WASF1: variants seen among roughly 807,000 people sequenced by gnomAD.
The protein encoded by WASF1 is actin-binding protein WASF1.
WASF1 carries 7 observed loss-of-function variants against 50.5 expected under a neutral mutation model. The ratio of observed to expected loss-of-function variants is 0.14; its 90% CI spans 0.08 to 0.26. WASF1 has a LOEUF of 0.26. Ranked by LOEUF, WASF1 falls within the 10% of genes least tolerant of loss-of-function variation. The pLI is 1.00. For missense variants in WASF1, 470 were observed against 694.7 expected, an observed-to-expected ratio of 0.68 and a Z score of 3.64; for synonymous variants, 205 against 244.0, an observed-to-expected ratio of 0.84 and a Z score of 1.49.
intron 4 of WASF1, among the ~76,000 whole-genome samples, chr6:110,117,573 A>C (rs1457105062): frequency 6.6e-6 from 1 of 152,228 alleles, no homozygotes; most frequent in African/African-American, 2.4e-5. Context: ...AATGGAACCA[A>C]GTTAGAAAAC....
intron 3 of WASF1, among the ~76,000 whole-genome samples, chr6:110,142,952 T>TAAAAAAAAAAAAAAAAAAAAAAAAAAA (rs5879060): frequency 2.7e-4 from 32 of 119,128 alleles, no homozygotes; most frequent in South Asian, 5.7e-4. Flanking sequence ...CCCAATGATG[T>TAAAAAAAAAAAAAAAAAAAAAAAAAAA]AAAAAAAAAA....
At chr6:110,120,767 C>A (rs536688733) in intron 4 of WASF1, among the ~76,000 whole-genome samples, 2 of 152,148 alleles carry the variant, frequency 1.3e-5, no homozygotes, top group African/African-American at 4.8e-5. Flanking sequence ...GGAGGCATCA[C>A]GCTACATGAC....
chr6:110,175,288 A>C (rs561172142), intron 2 of WASF1, among the ~76,000 whole-genome samples: 1 of 152,178 alleles, frequency 6.6e-6, no homozygotes, highest in Non-Finnish European at 1.5e-5. Flanking sequence ...GAAACAAAGG[A>C]AACAATCCAA....
At chr6:110,140,217 A>C (rs1281115449) in intron 3 of WASF1, among the ~76,000 whole-genome samples, 1 of 152,238 alleles carries the variant, frequency 6.6e-6, no homozygotes. Context: ...AACACTCATA[A>C]GGATGGGTCT....
intron 6 of WASF1, among the ~76,000 whole-genome samples, chr6:110,107,895 A>G (rs1368895305): frequency 1.3e-5 from 2 of 152,112 alleles, no homozygotes; most frequent in Admixed American, 6.6e-5. Flanking sequence ...GGCCGGGCGC[A>G]GTGGCTCACG....
intron 3 of WASF1, among the ~76,000 whole-genome samples, chr6:110,136,209 T>C (rs1443647213): frequency 6.6e-6 from 1 of 152,194 alleles, no homozygotes; most frequent in African/African-American, 2.4e-5. Context: ...CTTAATGTAA[T>C]GTCCTTGAAA....
At chr6:110,173,379 C>T (rs1055697869) in intron 2 of WASF1, among the ~76,000 whole-genome samples, 3 of 152,052 alleles carry the variant, frequency 2.0e-5, no homozygotes, top group Admixed American at 2.0e-4. Flanking sequence ...CACCCAAAAC[C>T]CACCTACTTA....
chr6:110,135,452 C>G (rs1429959488), intron 3 of WASF1, among the ~76,000 whole-genome samples: 1 of 152,108 alleles, frequency 6.6e-6, no homozygotes, highest in African/African-American at 2.4e-5. Context: ...GTTTTTCCTA[C>G]ATTTATCATC....
chr6:110,150,173 A>G (rs964987107), intron 3 of WASF1, among the ~76,000 whole-genome samples: 1 of 152,218 alleles, frequency 6.6e-6, no homozygotes, highest in African/African-American at 2.4e-5. Flanking sequence ...CAGATTACAT[A>G]TTATGGTTAA....
chr6:110,147,862 C>G (rs926244137), intron 3 of WASF1, among the ~76,000 whole-genome samples: 2 of 152,212 alleles, frequency 1.3e-5, no homozygotes, highest in African/African-American at 4.8e-5. Flanking sequence ...TCCTCCCACC[C>G]TCAGTTTCCC....
At chr6:110,113,907 C>T (rs1239238806) in intron 4 of WASF1, among the ~76,000 whole-genome samples, 1 of 151,986 alleles carries the variant, frequency 6.6e-6, no homozygotes, top group Non-Finnish European at 1.5e-5. Flanking sequence ...AAAATTTACA[C>T]ACAAAACAAA....
chr6:110,107,224 C>A, intron 6 of WASF1, 30 bp from the exon 7 acceptor site: 2 of 1,406,288 alleles, frequency 1.4e-6, no homozygotes, highest in South Asian at 1.3e-5. Flanking sequence ...TTAAAACACA[C>A]ATTAGTAAGA....
chr6:110,134,291 G>A (rs529321327), intron 3 of WASF1, among the ~76,000 whole-genome samples: 27 of 152,158 alleles, frequency 1.8e-4, no homozygotes, highest in African/African-American at 5.1e-4. Flanking sequence ...GCCGATTATC[G>A]CAGCAATATT....
intron 4 of WASF1, among the ~76,000 whole-genome samples, chr6:110,118,870 G>C (rs1442757964): frequency 3.3e-5 from 5 of 152,150 alleles, no homozygotes; most frequent in Non-Finnish European, 5.9e-5. Flanking sequence ...AATTGAATTA[G>C]AACTCAGGAT....
At chr6:110,140,567 C>T (rs1195340366) in intron 3 of WASF1, among the ~76,000 whole-genome samples, 2 of 152,074 alleles carry the variant, frequency 1.3e-5, no homozygotes, top group Admixed American at 1.3e-4. Flanking sequence ...ACACTATCTC[C>T]AGGTAGATAG....
intron 5 of WASF1, among the ~76,000 whole-genome samples, chr6:110,109,807 G>A (rs1018199106): frequency 5.3e-5 from 8 of 151,478 alleles, no homozygotes; most frequent in East Asian, 1.9e-4. Flanking sequence ...TGATCTGCCC[G>A]CCTCAGCCTC....
chr6:110,161,232 A>T (rs912537293), intron 2 of WASF1, among the ~76,000 whole-genome samples: 2 of 151,754 alleles, frequency 1.3e-5, no homozygotes, highest in South Asian at 4.1e-4. Flanking sequence ...GTACTGTTTA[A>T]CTGTACTAAA....
At chr6:110,160,113 A>G (rs1490264324) in intron 3 of WASF1, among the ~76,000 whole-genome samples, 1 of 151,934 alleles carries the variant, frequency 6.6e-6, no homozygotes, top group Non-Finnish European at 1.5e-5. Flanking sequence ...ACACAAAATT[A>G]TATTAAAAAT....
At position 110,101,640 on chromosome 6, in the gene WASF1, G is replaced by A. The variant is rs1773092316; in HGVS notation, c.1470C>T (p.Thr490=). 6.2e-7 allele frequency: 1 copy of A among 1,614,006 alleles called. No homozygotes were observed. Among genetic ancestry groups the A allele is most frequent in the Non-Finnish European group, 8.5e-7 (1 of 1,179,930 alleles). Residue 490 remains threonine (T), a synonymous_variant, in exon 10 of 11, where the codon ACC becomes ACT. Transcript: ENST00000392589. The part of the protein sequence containing the change: ...PASEPKRHPS[T]LPVISDARSV... ...TCCTGGCATCACTGATTACAGGTAG[G>A]GTTGATGGATGGCGCTTTGGCTCAG...
Sources: gnomAD v4.1 joint callset for allele counts (sites outside exome capture counted in the v4.1 genomes callset) on GRCh38, gnomAD v4.1.1 for gene constraint, MANE v1.5 for transcripts, NCBI Gene and HGNC (gene_info 2026-07-23, HGNC 2026-07-21) for gene names.